Variants in PHACTR4 observed in about 807,000 individuals in gnomAD.
The protein encoded by PHACTR4 is protein phosphatase 1, regulatory subunit 124.
In PHACTR4, 51 loss-of-function variants were observed where a neutral mutation model predicts 72.7. That is an observed-to-expected ratio of 0.70 (90% CI 0.56 to 0.89). The LOEUF (loss-of-function observed/expected upper bound fraction) is 0.89, where lower values mean the gene tolerates loss of function less well. PHACTR4 is among the 40% of genes least tolerant of loss of function. The probability of loss-of-function intolerance (pLI) is 0.00; values close to 1 mark genes in which losing one functional copy is unlikely to be tolerated. For synonymous variants in PHACTR4, 255 were observed against 302.5 expected (o/e 0.84, Z 1.63); for missense variants, 731 against 861.8 (o/e 0.85, Z 1.90).
At chr1:28,466,245 G>A (rs999909469) in intron 5 of PHACTR4, 137 bp from the exon 6 acceptor site, 1 of 931,628 alleles carries the variant, frequency 1.1e-6, no homozygotes, top group Admixed American at 2.5e-5. Flanking sequence ...AGGTTGGGAG[G>A]CATTGAGAAT....
chr1:28,402,181 T>C (rs996519642), intron 1 of PHACTR4, among the ~76,000 whole-genome samples: 2 of 152,170 alleles, frequency 1.3e-5, no homozygotes, highest in African/African-American at 4.8e-5. Flanking sequence ...ACTGAAATGA[T>C]ACAAAATAGC....
chr1:28,484,965 C>T (rs1279844605), intron 9 of PHACTR4, among the ~76,000 whole-genome samples: 5 of 151,766 alleles, frequency 3.3e-5, no homozygotes, highest in Admixed American at 1.3e-4. Flanking sequence ...AAAGAAACTC[C>T]GTTTCAAAAG....
Position 28,479,584 on chromosome 1 carries a change from GAAAA to G in PHACTR4, c.1607-853_1607-850del, listed in dbSNP as rs1170640129. Reference sequence around the variant, plus strand: ...GGCAACAGAGCAAGACTCCGCCTCAGAAAAAAAAAAAAAAAAAGAGGCCAGGCGT... The same window carrying G: ...GGCAACAGAGCAAGACTCCGCCTCAGAAAAAAAAAAAAAGAGGCCAGGCGT... On this transcript the variant is annotated intron_variant, in intron 8 of 13. Coordinates refer to ENST00000373839, the MANE Select transcript of PHACTR4 (RefSeq NM_001048183.3). Among the ~76,000 whole-genome samples the G allele has an allele frequency of 1.6e-3, 136 of 84,600 alleles. 1 individual carries two copies. The East Asian group carries it at 0.045, about 28-fold the overall frequency. 55.5% of individuals were successfully genotyped at this position (84,600 alleles called of 152,430 possible). A position where few individuals can be genotyped will look rare whatever the true frequency, so the allele number is the denominator to read the frequency against.
Position 28,473,803 on chromosome 1 carries a change from C to T in PHACTR4, c.1073C>T (p.Thr358Ile), listed in dbSNP as rs1659737300. The stretch of plus-strand genomic sequence containing the variant: ...CATATACCTCCAGAGCCTCCACGCA[C>T]CCCTCCATTCCCTGCTAAGACTTTT... ...PTHIPPEPPR[T>I]PPFPAKTFQV... The change falls in exon 7 of 14, where the codon ACC (threonine) becomes ATC (isoleucine). Residue 358 changes from threonine (T) to isoleucine (I), a missense_variant. By Grantham distance (89) the Thr-to-Ile change is moderately conservative (BLOSUM62 -1). This residue lies in a region of PHACTR4 where 621 missense variants were observed against 676.6 expected (regional missense o/e 0.92). Coordinates refer to ENST00000373839, the MANE Select transcript of PHACTR4 (RefSeq NM_001048183.3). 1 of 1,614,106 alleles carries T rather than the reference C, an allele frequency of 6.2e-7. No homozygotes were observed. The highest frequency in any genetic ancestry group is 1.3e-5 in the African/African-American group (1 of 75,020).
chr1:28,373,150 G>A (rs1005758877), intron 1 of PHACTR4, among the ~76,000 whole-genome samples: 26 of 152,094 alleles, frequency 1.7e-4, no homozygotes, highest in Non-Finnish European at 2.6e-4. Context: ...GTGGACACGA[G>A]GTCTCCCTGT....
intron 13 of PHACTR4, 83 bp from the exon 14 acceptor site, chr1:28,496,451 A>G: frequency 3.4e-6 from 5 of 1,469,146 alleles, no homozygotes; most frequent in Non-Finnish European, 4.8e-6. Context: ...TTAATTAGGT[A>G]TAACATTTCA....
chr1:28,369,859 C>G (rs1557767536), intron 1 of PHACTR4, 34 bp downstream of exon 1: 3 of 439,296 alleles, frequency 6.8e-6, no homozygotes, highest in Non-Finnish European at 9.1e-6. Context: ...GTGAGCAGGA[C>G]GCGCTCAGTA....
chr1:28,455,198 C>CTTTTTTTTT (rs139479738), intron 2 of PHACTR4, among the ~76,000 whole-genome samples: 11 of 85,966 alleles, frequency 1.3e-4, no homozygotes, highest in Non-Finnish European at 1.9e-4. Flanking sequence ...TTCTTTCTTT[C>CTTTTTTTTT]TTTTTTTTTT....
chr1:28,377,261 G>A (rs1213328628), intron 1 of PHACTR4, among the ~76,000 whole-genome samples: 1 of 133,458 alleles, frequency 7.5e-6, no homozygotes, highest in African/African-American at 2.9e-5. Context: ...TTTTGTAGAC[G>A]GGAGTCCTGC....
At chr1:28,466,348 C>T (rs1331974667) in intron 5 of PHACTR4, 34 bp from the exon 6 acceptor site, 1 of 1,567,580 alleles carries the variant, frequency 6.4e-7, no homozygotes, top group Non-Finnish European at 8.7e-7. Flanking sequence ...GTTACTCTCT[C>T]TTCCCTTTTT....
chr1:28,498,393 T>G lies in PHACTR4; in HGVS notation c.*1844T>G, dbSNP rs1661486267. 6.6e-6 allele frequency: 1 copy of G among 152,574 alleles called. No individual in the cohort carries two copies. The allele number at this position is 152,574 out of a possible 1,614,324, so 9.5% of individuals were successfully genotyped here. ...GCAGCTTCCACCTCACCCGCCCCTC[T>G]TCCACACTATAACCAGTATGGTTGG... On this transcript the variant is annotated 3_prime_UTR_variant, in exon 14 of 14. Transcript: ENST00000373839.
intron 2 of PHACTR4, among the ~76,000 whole-genome samples, chr1:28,440,489 G>T: frequency 7.7e-6 from 1 of 129,998 alleles, no homozygotes; most frequent in Non-Finnish European, 1.6e-5. Flanking sequence ...TCCGCCTCCC[G>T]GGTTCACGCC....
chr1:28,493,441 T>C (rs540849531), intron 13 of PHACTR4, among the ~76,000 whole-genome samples: 69 of 151,130 alleles, frequency 4.6e-4, no homozygotes, highest in African/African-American at 1.6e-3. Flanking sequence ...GGGAGGATGA[T>C]GCGGGAGAAT....
chr1:28,497,686 C>CAAAAAAAAAAAAA lies in PHACTR4; in HGVS notation c.*1144_*1156dup. 1 of 68,572 alleles carries CAAAAAAAAAAAAA rather than the reference C, an allele frequency of 1.5e-5. No homozygotes were observed. Among genetic ancestry groups the CAAAAAAAAAAAAA allele is most frequent in the Non-Finnish European group, 3.5e-5 (1 of 28,652 alleles). 4.2% of individuals were successfully genotyped at this position (68,572 alleles called of 1,614,324 possible). ...AATAAATCCCCTTATTCCTTCCTTG[C>CAAAAAAAAAAAAA]AAAAAAAAAAAAAAAAAAAGCCTTA... On this transcript the variant is annotated 3_prime_UTR_variant, in exon 14 of 14. Transcript: ENST00000373839.
intron 4 of PHACTR4, among the ~76,000 whole-genome samples, chr1:28,463,916 G>A (rs1372325259): frequency 1.3e-5 from 2 of 151,966 alleles, no homozygotes; most frequent in African/African-American, 4.8e-5. Context: ...CTTTTTTGTA[G>A]AGACAGGGTC....
intron 2 of PHACTR4, among the ~76,000 whole-genome samples, chr1:28,424,431 A>G (rs138613484): frequency 1.4e-3 from 207 of 152,292 alleles, no homozygotes; most frequent in African/African-American, 4.8e-3. Context: ...TGCTAAGATT[A>G]CAGGTGTGAG....
At chr1:28,445,719 C>T (rs935172288) in intron 2 of PHACTR4, among the ~76,000 whole-genome samples, 1 of 152,042 alleles carries the variant, frequency 6.6e-6, no homozygotes, top group African/African-American at 2.4e-5. Flanking sequence ...ATATCATCCC[C>T]CATCTCTACA....
At chr1:28,407,124 C>G (rs1004515698) in intron 1 of PHACTR4, among the ~76,000 whole-genome samples, 1 of 151,524 alleles carries the variant, frequency 6.6e-6, no homozygotes, top group Non-Finnish European at 1.5e-5. Context: ...ATCTCAATTC[C>G]CCTAAAATAA....
At chr1:28,402,859 G>C (rs1300656750) in intron 1 of PHACTR4, among the ~76,000 whole-genome samples, 1 of 152,142 alleles carries the variant, frequency 6.6e-6, no homozygotes, top group East Asian at 1.9e-4. Flanking sequence ...TCACAAACCA[G>C]GATCATCCCC....
Sources: gnomAD v4.1 joint callset for allele counts (sites outside exome capture counted in the v4.1 genomes callset) on GRCh38, gnomAD v4.1.1 for gene constraint, gnomAD v4.1.1 regional missense constraint, MANE v1.5 for transcripts, NCBI Gene and HGNC (gene_info 2026-07-23, HGNC 2026-07-21) for gene names.